TMCC1: variants seen among roughly 807,000 people sequenced by gnomAD.
TMCC1 encodes the protein transmembrane and coiled-coil domains protein 1.
Under a neutral mutation model 52.4 loss-of-function variants are expected in TMCC1, and 15 were observed. The observed-to-expected ratio is 0.29, with a 90% CI of 0.19 to 0.44. TMCC1 has a LOEUF of 0.44. TMCC1 is among the 20% of genes least tolerant of loss of function. TMCC1 has a pLI of 1.00. For synonymous variants in TMCC1, 279 were observed against 301.9 expected, an observed-to-expected ratio of 0.92 and a Z score of 0.79; for missense variants, 503 against 806.0, an observed-to-expected ratio of 0.62 and a Z score of 4.55.
At chr3:129,723,565 T>C (rs2049827976) in intron 4 of TMCC1, among the ~76,000 whole-genome samples, 1 of 146,418 alleles carries the variant, frequency 6.8e-6, no homozygotes, top group South Asian at 2.1e-4. Context: ...CAGTAACTAT[T>C]TCGCTTGAGA....
chr3:129,838,752 CAAAAAAAAAAAAAA>C (rs35240365), intron 2 of TMCC1, among the ~76,000 whole-genome samples: 23 of 65,830 alleles, frequency 3.5e-4, no homozygotes, highest in African/African-American at 1.3e-3. Flanking sequence ...GACTCTGTCT[CAAAAAAAAAAAAAA>C]AAAAAAAAAA....
At chr3:129,743,036 G>A (rs2051599655) in intron 4 of TMCC1, among the ~76,000 whole-genome samples, 2 of 152,148 alleles carry the variant, frequency 1.3e-5, no homozygotes, top group African/African-American at 2.4e-5. Flanking sequence ...GGGGGAGAAT[G>A]GGGAGATTGG....
At chr3:129,666,568 G>T (rs902460839) in intron 5 of TMCC1, among the ~76,000 whole-genome samples, 1 of 151,522 alleles carries the variant, frequency 6.6e-6, no homozygotes, top group Non-Finnish European at 1.5e-5. Flanking sequence ...GTAAAACCCC[G>T]CCTCTCTTAA....
At chr3:129,797,429 A>G (rs1375119286) in intron 4 of TMCC1, among the ~76,000 whole-genome samples, 1 of 152,054 alleles carries the variant, frequency 6.6e-6, no homozygotes, top group African/African-American at 2.4e-5. Flanking sequence ...AAAAAAAATT[A>G]CCTAACCAAA....
At chr3:129,765,465 AG>A (rs2054049466) in intron 4 of TMCC1, among the ~76,000 whole-genome samples, 1 of 152,178 alleles carries the variant, frequency 6.6e-6, no homozygotes, top group Non-Finnish European at 1.5e-5. Flanking sequence ...GTAGCTTTAT[AG>A]TCTTTACCAT....
intron 4 of TMCC1, among the ~76,000 whole-genome samples, chr3:129,820,899 G>C (rs1303759937): frequency 1.3e-5 from 2 of 152,210 alleles, no homozygotes; most frequent in East Asian, 3.8e-4. Context: ...TCAGAGGTTA[G>C]TAAGAGGTGG....
At chr3:129,806,175 A>G (rs1037204968) in intron 4 of TMCC1, among the ~76,000 whole-genome samples, 1 of 152,194 alleles carries the variant, frequency 6.6e-6, no homozygotes, top group African/African-American at 2.4e-5. Context: ...AAGTTTGGGA[A>G]GCATGGATTA....
At chr3:129,770,602 T>TAAATG (rs545957104) in intron 4 of TMCC1, among the ~76,000 whole-genome samples, 1,884 of 132,790 alleles carry the variant, frequency 0.014, 12 homozygotes, top group South Asian at 0.024. Flanking sequence ...TAAAATAAAA[T>TAAATG]AAATGAAATG....
intron 4 of TMCC1, among the ~76,000 whole-genome samples, chr3:129,787,720 G>C (rs1294593283): frequency 6.6e-6 from 1 of 152,124 alleles, no homozygotes; most frequent in African/African-American, 2.4e-5. Context: ...TCCAAAAAGA[G>C]ATGCATTTAA....
At chr3:129,751,552 A>C (rs868859624) in intron 4 of TMCC1, among the ~76,000 whole-genome samples, 1 of 149,132 alleles carries the variant, frequency 6.7e-6, no homozygotes. Flanking sequence ...AACCAACCCT[A>C]AACACAATAG....
intron 2 of TMCC1, chr3:129,847,705 T>C (rs1327314840): frequency 2.6e-5 from 4 of 152,228 alleles, no homozygotes; most frequent in African/African-American, 9.6e-5. Flanking sequence ...ATGGAATGGA[T>C]GAATCGTATG....
At chr3:129,865,153 A>C (rs779052106) in intron 2 of TMCC1, among the ~76,000 whole-genome samples, 1 of 152,130 alleles carries the variant, frequency 6.6e-6, no homozygotes, top group Non-Finnish European at 1.5e-5. Flanking sequence ...TTACACTCCC[A>C]AACAGTAAGA....
chr3:129,717,991 A>G (rs2049238913), intron 4 of TMCC1, among the ~76,000 whole-genome samples: 1 of 152,194 alleles, frequency 6.6e-6, no homozygotes, highest in African/African-American at 2.4e-5. Flanking sequence ...GGATCCACTT[A>G]TATGCATATT....
intron 2 of TMCC1, among the ~76,000 whole-genome samples, 162 bp downstream of exon 2, chr3:129,880,147 T>C (rs994200605): frequency 1.3e-5 from 2 of 152,236 alleles, no homozygotes; most frequent in Non-Finnish European, 2.9e-5. Flanking sequence ...AAGAAAGTTC[T>C]TGTTGAGCTA....
intron 5 of TMCC1, among the ~76,000 whole-genome samples, chr3:129,663,154 G>A (rs1041441967): frequency 2.0e-5 from 3 of 152,150 alleles, no homozygotes; most frequent in South Asian, 2.1e-4. Flanking sequence ...ACTGATGAAT[G>A]GGAGCCTGGG....
intron 4 of TMCC1, among the ~76,000 whole-genome samples, chr3:129,769,990 C>T (rs528365585): frequency 1.6e-4 from 25 of 152,250 alleles, no homozygotes; most frequent in African/African-American, 6.0e-4. Context: ...TTATTTCAGC[C>T]ACCATACTGT....
intron 4 of TMCC1, among the ~76,000 whole-genome samples, chr3:129,764,677 G>A (rs929123966): frequency 2.1e-5 from 3 of 145,886 alleles, no homozygotes; most frequent in African/African-American, 7.7e-5. Context: ...AAATCATCTC[G>A]TTGGTTTGGT....
At chr3:129,848,048 CTAGA>C (rs1479057140) in intron 2 of TMCC1, 2 of 152,158 alleles carry the variant, frequency 1.3e-5, no homozygotes, top group Non-Finnish European at 2.9e-5. Flanking sequence ...TTTATATCTT[CTAGA>C]TACACATCCT....
chr3:129,658,472 G>T (rs2108854930), intron 5 of TMCC1, among the ~76,000 whole-genome samples: 1 of 152,314 alleles, frequency 6.6e-6, no homozygotes, highest in South Asian at 2.1e-4. Context: ...GGGACTGTCT[G>T]TACAACAACA....
Sources: gnomAD v4.1 joint callset for allele counts (sites outside exome capture counted in the v4.1 genomes callset) on GRCh38, gnomAD v4.1.1 for gene constraint, MANE v1.5 for transcripts, NCBI Gene and HGNC (gene_info 2026-07-23, HGNC 2026-07-21) for gene names.